LIMA1: variants seen among roughly 807,000 people sequenced by gnomAD.
LIMA1 encodes LIM domain and actin-binding protein 1.
A neutral mutation model predicts 62.6 loss-of-function variants in LIMA1; 52 were observed. The ratio of observed to expected loss-of-function variants is 0.83; its 90% confidence interval spans 0.67 to 1.05. The LOEUF (loss-of-function observed/expected upper bound fraction) is 1.05, where lower values mean the gene tolerates loss of function less well. LIMA1 is among the 50% of genes least tolerant of loss of function. The probability of loss-of-function intolerance (pLI) is 0.00; values close to 1 mark genes in which losing one functional copy is unlikely to be tolerated. For synonymous variants in LIMA1, 302 were observed against 317.8 expected (o/e 0.95, Z 0.53); for missense variants, 780 against 902.2 (o/e 0.86, Z 1.74).
chr12:50,183,094 C>T (rs1029237543), intron 9 of LIMA1, among the ~76,000 whole-genome samples: 3 of 151,990 alleles, frequency 2.0e-5, no homozygotes, highest in African/African-American at 7.3e-5. Flanking sequence ...CCCAGTTACT[C>T]GGGAGGCTGA....
intron 1 of LIMA1, among the ~76,000 whole-genome samples, chr12:50,270,126 C>T (rs536820401): frequency 2.9e-4 from 42 of 144,336 alleles, no homozygotes; most frequent in African/African-American, 7.8e-4. Context: ...TCCAGCTACT[C>T]GGGAAGGCTG....
In LIMA1 at chr12:50,279,623, G is replaced by C. The variant is rs17274656; in HGVS notation, c.-24+3797C>G. Among the ~76,000 whole-genome samples the C allele has an allele frequency of 3.7e-3, 557 of 152,242 alleles. 1 individual carries two copies. Among genetic ancestry groups the C allele is most frequent in the Non-Finnish European group, 6.5e-3 (445 of 68,014 alleles). On this transcript the variant is annotated intron_variant, in intron 1 of 10. Coordinates refer to ENST00000341247, the MANE Select transcript of LIMA1 (RefSeq NM_016357.5). ...ATCATGGGAGTAAGTGGTTAGATTA[G>C]AAAATGGAGAACCAGATAGTAGTCA...
At chr12:50,239,823 C>T (rs1200166971) in intron 2 of LIMA1, among the ~76,000 whole-genome samples, 2 of 151,746 alleles carry the variant, frequency 1.3e-5, no homozygotes, top group African/African-American at 4.8e-5. Flanking sequence ...TGGCGAGACC[C>T]CATCTCTTAA....
rs764488745 is a variant in LIMA1, at chr12:50,222,157, A to G, written c.494T>C (p.Leu165Pro). 7.4e-6 allele frequency: 12 copies of G among 1,614,178 alleles called. No homozygotes were observed. Among genetic ancestry groups the G allele is most frequent in the South Asian group, 1.1e-5 (1 of 91,086 alleles). Residue 165 changes from leucine (L) to proline (P), a missense_variant, in exon 4 of 11, where the codon CTA becomes CCA. Coordinates refer to ENST00000341247, the MANE Select transcript of LIMA1 (RefSeq NM_016357.5). ...STESKKMENC[L>P]GESRHEVEKS... The stretch of plus-strand genomic sequence containing the variant: ...TTCTACTTCATGCCTGGATTCTCCT[A>G]GACAATTTTCCATTTTTTTACTTTC...
chr12:50,250,166 C>T lies in LIMA1; in HGVS notation c.-23-1392G>A, dbSNP rs530251058. 3.3e-5 allele frequency among the ~76,000 whole-genome samples: 5 copies of T among 151,834 alleles called. No individual in the cohort carries two copies. The South Asian group carries it at 1.0e-3, about 32-fold the overall frequency. On this transcript the variant is annotated intron_variant, in intron 1 of 10. Transcript: ENST00000341247. The stretch of plus-strand genomic sequence containing the variant: ...ACACAAAATTAGCCAGGAGTGGTAG[C>T]GCATGCCTATAATCCCAGCGACTTG...
At chr12:50,207,645 T>C (rs1014741786) in intron 4 of LIMA1, among the ~76,000 whole-genome samples, 13 of 152,092 alleles carry the variant, frequency 8.5e-5, no homozygotes, top group South Asian at 6.2e-4. Context: ...AACCACCATT[T>C]TGGGAGGCCA....
At chr12:50,203,810 C>T (rs1228136269) in intron 6 of LIMA1, among the ~76,000 whole-genome samples, 2 of 152,124 alleles carry the variant, frequency 1.3e-5, no homozygotes, top group Non-Finnish European at 2.9e-5. Flanking sequence ...AACAGTACAT[C>T]GTAAGGATTA....
At chr12:50,231,529 GC>G in intron 3 of LIMA1, 135 bp downstream of exon 3, 1 of 804,712 alleles carries the variant, frequency 1.2e-6, no homozygotes, top group Non-Finnish European at 2.2e-6. Flanking sequence ...TGAGCAAATG[GC>G]TCAGAGATCA....
intron 1 of LIMA1, chr12:50,249,650 C>A (rs538172210): frequency 6.6e-6 from 1 of 152,168 alleles, no homozygotes; most frequent in Admixed American, 6.5e-5. Context: ...GGTTATTTTG[C>A]CCCACTAATT....
At chr12:50,179,029 G>A (rs1940427144) in intron 10 of LIMA1, among the ~76,000 whole-genome samples, 1 of 150,524 alleles carries the variant, frequency 6.6e-6, no homozygotes, top group African/African-American at 2.4e-5. Context: ...AGGCTGGAGT[G>A]CAGTTGCACA....
intron 1 of LIMA1, among the ~76,000 whole-genome samples, chr12:50,267,914 C>G (rs1942158912): frequency 6.6e-6 from 1 of 152,252 alleles, no homozygotes; most frequent in East Asian, 1.9e-4. Context: ...TTCTGCCTCC[C>G]TAACTGCTGG....
At chr12:50,270,031 T>G (rs953886499) in intron 1 of LIMA1, among the ~76,000 whole-genome samples, 2 of 148,460 alleles carry the variant, frequency 1.3e-5, no homozygotes, top group Non-Finnish European at 3.0e-5. Context: ...GGTCGGGAGT[T>G]CAAGACCAGC....
At chr12:50,184,905 C>T (rs1940593031) in intron 9 of LIMA1, among the ~76,000 whole-genome samples, 2 of 152,230 alleles carry the variant, frequency 1.3e-5, no homozygotes, top group East Asian at 1.9e-4. Flanking sequence ...GATCTCAGCT[C>T]ACTGCAAGCT....
At position 50,218,916 on chromosome 12, in the gene LIMA1, C is replaced by A. The variant is rs111304473; in HGVS notation, c.630+3105G>T. On this transcript the variant is annotated intron_variant, in intron 4 of 10. Transcript: ENST00000341247. ...TCCATAAAAAAAAAAAAAACAAAAACAAAAAAAAAACGCATTTCAAACAAT... is the reference window on the plus strand; with the variant it reads ...TCCATAAAAAAAAAAAAAACAAAAAAAAAAAAAAAACGCATTTCAAACAAT... Among the ~76,000 whole-genome samples the A allele has an allele frequency of 3.3e-3, 459 of 138,512 alleles. 4 individuals are homozygous for A. Among genetic ancestry groups the A allele is most frequent in the African/African-American group, 0.011 (420 of 36,826 alleles). The allele number at this position is 138,512 out of a possible 152,430, so 90.9% of individuals were successfully genotyped here. A position where few individuals can be genotyped will look rare whatever the true frequency, so the allele number is the denominator to read the frequency against.
intron 4 of LIMA1, among the ~76,000 whole-genome samples, chr12:50,220,126 T>C (rs1423956192): frequency 6.6e-6 from 1 of 152,050 alleles, no homozygotes; most frequent in Non-Finnish European, 1.5e-5. Flanking sequence ...AGTGGCATGA[T>C]CTCGGCTCAC....
At chr12:50,211,870 T>C (rs1238379456) in intron 4 of LIMA1, among the ~76,000 whole-genome samples, 1 of 152,166 alleles carries the variant, frequency 6.6e-6, no homozygotes, top group Non-Finnish European at 1.5e-5. Flanking sequence ...TTTAGCTCTT[T>C]TTACTCAGAC....
At chr12:50,277,210 G>T (rs1386835080) in intron 1 of LIMA1, among the ~76,000 whole-genome samples, 5 of 151,858 alleles carry the variant, frequency 3.3e-5, no homozygotes, top group East Asian at 1.9e-4. Flanking sequence ...CAATCTTTTT[G>T]ACTTCTTTTT....
At chr12:50,255,382 C>T (rs1941981537) in intron 1 of LIMA1, among the ~76,000 whole-genome samples, 1 of 151,700 alleles carries the variant, frequency 6.6e-6, no homozygotes, top group Non-Finnish European at 1.5e-5. Flanking sequence ...TGGTGAAACC[C>T]TGTCTCTACA....
At chr12:50,216,535 C>A (rs998688688) in intron 4 of LIMA1, among the ~76,000 whole-genome samples, 2 of 152,034 alleles carry the variant, frequency 1.3e-5, no homozygotes, top group African/African-American at 4.8e-5. Context: ...TTTCTTTTGA[C>A]GATAGGTTAC....
Sources: allele counts gnomAD v4.1 joint callset (sites outside exome capture counted in the v4.1 genomes callset), GRCh38; gene constraint gnomAD v4.1.1; transcripts MANE v1.5; gene names NCBI Gene and HGNC (gene_info 2026-07-23, HGNC 2026-07-21).